GALNTL6: variants seen among roughly 807,000 people sequenced by gnomAD.
The protein encoded by GALNTL6 is polypeptide N-acetylgalactosaminyltransferase-like 6.
A neutral mutation model predicts 73.7 loss-of-function variants in GALNTL6; 46 were observed. The observed-to-expected ratio is 0.62, with a 90% CI of 0.49 to 0.80. GALNTL6 has a LOEUF of 0.80. Ranked by LOEUF, GALNTL6 falls within the 30% of genes least tolerant of loss-of-function variation. GALNTL6 has a pLI of 0.00. For synonymous variants in GALNTL6, 259 were observed against 263.7 expected, an observed-to-expected ratio of 0.98 and a Z score of 0.17; for missense variants, 604 against 755.0, an observed-to-expected ratio of 0.80 and a Z score of 2.34.
chr4:172,896,146 C>T lies in GALNTL6; in HGVS notation c.1041+13239C>T, dbSNP rs371409127. ...TGGTACCTTACTTTGTTTGTTTGGT[C>T]ATGTCATATATCCCTTCATCTTCTT... On this transcript the variant is annotated intron_variant, in intron 8 of 12. Transcript: ENST00000506823. Among the ~76,000 whole-genome samples, 18 of 152,292 alleles carry T rather than the reference C, an allele frequency of 1.2e-4. No individual in the cohort carries two copies. In the South Asian group the frequency reaches 3.3e-3, roughly 28 times the overall value.
intron 2 of GALNTL6, among the ~76,000 whole-genome samples, chr4:172,055,938 T>C (rs1560903280): frequency 6.6e-6 from 1 of 152,112 alleles, no homozygotes; most frequent in East Asian, 1.9e-4. Context: ...ATGAAAAAAG[T>C]TGTCAGTTTA....
At chr4:172,287,657 A>G (rs1307079743) in intron 3 of GALNTL6, among the ~76,000 whole-genome samples, 1 of 152,188 alleles carries the variant, frequency 6.6e-6, no homozygotes, top group Non-Finnish European at 1.5e-5. Context: ...AAAGACAGGT[A>G]GATAAATTCC....
chr4:172,107,140 T>C (rs966240729), intron 2 of GALNTL6, among the ~76,000 whole-genome samples: 4 of 152,212 alleles, frequency 2.6e-5, no homozygotes, highest in Non-Finnish European at 5.9e-5. Context: ...CCCAAAGTGC[T>C]GGGATTACAG....
intron 2 of GALNTL6, among the ~76,000 whole-genome samples, chr4:171,967,450 T>TTTATTTGTTTG (rs1553976656): frequency 3.0e-5 from 4 of 133,364 alleles, no homozygotes; most frequent in Non-Finnish European, 6.1e-5. Flanking sequence ...CCTATGGGTT[T>TTTATTTGTTTG]TTTTTTTTTT....
intron 2 of GALNTL6, among the ~76,000 whole-genome samples, chr4:171,895,706 A>G (rs1469234602): frequency 6.6e-6 from 1 of 152,222 alleles, no homozygotes; most frequent in African/African-American, 2.4e-5. Context: ...TTAAAAAGAA[A>G]GAAAGAAAGT....
chr4:172,997,076 C>A (rs1751828700), intron 10 of GALNTL6, among the ~76,000 whole-genome samples: 1 of 152,186 alleles, frequency 6.6e-6, no homozygotes, highest in Admixed American at 6.5e-5. Context: ...TTCTTTCTAA[C>A]TCCACTTCAG....
intron 3 of GALNTL6, among the ~76,000 whole-genome samples, chr4:172,303,457 C>A (rs1740012771): frequency 6.6e-6 from 1 of 152,120 alleles, no homozygotes; most frequent in Non-Finnish European, 1.5e-5. Context: ...CATACCAAAC[C>A]TTAGTTGCGA....
chr4:172,230,574 C>T (rs1335792738), intron 3 of GALNTL6, among the ~76,000 whole-genome samples: 3 of 148,968 alleles, frequency 2.0e-5, no homozygotes, highest in Non-Finnish European at 4.4e-5. Context: ...AGTGAGACTC[C>T]GTTTCAAAAA....
At chr4:171,938,386 C>A (rs1738418483) in intron 2 of GALNTL6, among the ~76,000 whole-genome samples, 2 of 152,114 alleles carry the variant, frequency 1.3e-5, no homozygotes, top group Non-Finnish European at 2.9e-5. Flanking sequence ...ATTATAGACC[C>A]TGCCATTTCT....
intron 10 of GALNTL6, among the ~76,000 whole-genome samples, chr4:172,955,471 A>AG (rs1942556988): frequency 6.6e-6 from 1 of 152,056 alleles, no homozygotes; most frequent in Admixed American, 6.6e-5. Context: ...GAAAAAAAAA[A>AG]GGATAAAAAA....
At chr4:172,123,812 A>G (rs1186566893) in intron 2 of GALNTL6, among the ~76,000 whole-genome samples, 1 of 152,078 alleles carries the variant, frequency 6.6e-6, no homozygotes, top group African/African-American at 2.4e-5. Context: ...TAAAATTTTT[A>G]TCTTCATCAG....
intron 2 of GALNTL6, among the ~76,000 whole-genome samples, chr4:171,917,834 A>C (rs1578970475): frequency 1.3e-5 from 2 of 152,256 alleles, no homozygotes; most frequent in East Asian, 3.9e-4. Context: ...TAATATACTA[A>C]TGACATTATA....
intron 5 of GALNTL6, among the ~76,000 whole-genome samples, chr4:172,397,799 G>A (rs1048483396): frequency 1.3e-4 from 20 of 152,026 alleles, no homozygotes; most frequent in South Asian, 6.2e-4. Context: ...GGATGGTCTC[G>A]ATCTCTTGAC....
chr4:172,113,846 A>G (rs915581982), intron 2 of GALNTL6, among the ~76,000 whole-genome samples: 2 of 152,016 alleles, frequency 1.3e-5, no homozygotes, highest in Non-Finnish European at 2.9e-5. Context: ...TGTTGAGCTT[A>G]ACTTGTTGGG....
chr4:172,793,073 A>G (rs1740086722), intron 5 of GALNTL6, among the ~76,000 whole-genome samples: 1 of 152,176 alleles, frequency 6.6e-6, no homozygotes, highest in Non-Finnish European at 1.5e-5. Flanking sequence ...CAAGACTCTG[A>G]GGACTGCACC....
At chr4:172,585,965 A>G (rs1026266551) in intron 5 of GALNTL6, among the ~76,000 whole-genome samples, 1 of 152,226 alleles carries the variant, frequency 6.6e-6, no homozygotes, top group Non-Finnish European at 1.5e-5. Flanking sequence ...ATGAGACACC[A>G]TCTCACTCCA....
chr4:172,424,796 C>A (rs1295654405), intron 5 of GALNTL6, among the ~76,000 whole-genome samples: 1 of 152,036 alleles, frequency 6.6e-6, no homozygotes, highest in East Asian at 1.9e-4. Context: ...AGTCTCATGG[C>A]CATGACCAAA....
chr4:172,133,464 T>C (rs781017097), intron 2 of GALNTL6, among the ~76,000 whole-genome samples: 1 of 152,212 alleles, frequency 6.6e-6, no homozygotes, highest in Non-Finnish European at 1.5e-5. Context: ...TGAGGAAAAT[T>C]GGTTTAAAGC....
At chr4:172,257,074 T>C (rs1454527977) in intron 3 of GALNTL6, among the ~76,000 whole-genome samples, 1 of 151,336 alleles carries the variant, frequency 6.6e-6, no homozygotes, top group East Asian at 1.9e-4. Flanking sequence ...CACATTTTTT[T>C]CCTAGAAAAT....
Sources: allele counts gnomAD v4.1 joint callset (sites outside exome capture counted in the v4.1 genomes callset), GRCh38; gene constraint gnomAD v4.1.1; transcripts MANE v1.5; gene names NCBI Gene and HGNC (gene_info 2026-07-23, HGNC 2026-07-21).